PLEKHJ1: variants seen among roughly 807,000 people sequenced by gnomAD.
The protein encoded by PLEKHJ1 is pleckstrin homology domain containing J1, also known as pleckstrin homology domain-containing family J member 1.
In PLEKHJ1, 20 loss-of-function variants were observed where a neutral mutation model predicts 21.7. That is an observed-to-expected ratio of 0.92 (90% CI 0.65 to 1.34). The LOEUF (loss-of-function observed/expected upper bound fraction) is 1.34. Ranked by LOEUF, PLEKHJ1 falls within the 40% of genes most tolerant of loss-of-function variation. PLEKHJ1 has a pLI of 0.00. For missense variants in PLEKHJ1, 241 were observed against 202.0 expected (o/e 1.19, Z -1.17); for synonymous variants, 113 against 80.6 (o/e 1.40, Z -2.15).
intron 3 of PLEKHJ1, 137 bp from the exon 4 acceptor site, chr19:2,234,377 G>A (rs2024722941): frequency 6.3e-6 from 4 of 631,422 alleles, no homozygotes; most frequent in Admixed American, 2.8e-5. Context: ...CATGAGTATG[G>A]CCCTGTATAT....
downstream of PLEKHJ1, chr19:2,231,890 G>A (rs1337035858): frequency 4.5e-6 from 1 of 219,942 alleles, no homozygotes; most frequent in Non-Finnish European, 9.1e-6. Context: ...GACACGCACT[G>A]GGTCTCAGAG....
chr19:2,236,220 G>T lies in PLEKHJ1; in HGVS notation c.29C>A (p.Ala10Asp), dbSNP rs773610924. Residue 10 changes from alanine to aspartate, a missense_variant, in exon 1 of 6, where the codon GCT (alanine) becomes GAT (aspartate). Physicochemically the swap from Ala to Asp is moderately radical, Grantham distance 126. Transcript: ENST00000326631. ...CATCTCGGCCGGCTGCCGGGACAGA[G>T]CCTGCAGCTCCTTCTCGTTGTACCG... MRYNEKELQ[A>D]LSRQPAEMAA... The T allele has an allele frequency of 1.4e-6, 2 of 1,469,800 alleles. No homozygotes were observed. Among genetic ancestry groups the T allele is most frequent in the African/African-American group, 1.5e-5 (1 of 67,864 alleles). 91.0% of individuals were successfully genotyped at this position (1,469,800 alleles called of 1,614,324 possible). A position where few individuals can be genotyped will look rare whatever the true frequency, so the allele number is the denominator to read the frequency against.
At position 2,235,667 on chromosome 19, in the gene PLEKHJ1, C is replaced by G. The variant is rs1017870708; in HGVS notation, c.229+95G>C. On this transcript the variant is annotated intron_variant, in intron 3 of 5. Transcript: ENST00000326631. ...GGAGGGTGGCGCCAGGCTGGGGACA[C>G]AGAGGAGACCTTGGGCGCCCGGGGA... The G allele has an allele frequency of 3.7e-6, 4 of 1,072,066 alleles. No individual in the cohort carries two copies. The African/African-American group carries it at 6.4e-5, about 17-fold the overall frequency. 66.4% of individuals were successfully genotyped at this position (1,072,066 alleles called of 1,614,324 possible). A position where few individuals can be genotyped will look rare whatever the true frequency, so the allele number is the denominator to read the frequency against.
chr19:2,232,284 T>C (rs2024635919), downstream of PLEKHJ1: 2 of 214,066 alleles, frequency 9.3e-6, no homozygotes, highest in South Asian at 3.8e-4. Context: ...GACTTCCCCC[T>C]TAATTTATCT....
At chr19:2,235,733 G>T in intron 3 of PLEKHJ1, 29 bp downstream of exon 3, 3 of 1,539,586 alleles carry the variant, frequency 1.9e-6, no homozygotes, top group Non-Finnish European at 2.6e-6. Context: ...GCTGCGGGAA[G>T]CGCCGCTGGC....
downstream of PLEKHJ1, chr19:2,233,034 T>C (rs1213532407): frequency 6.6e-6 from 1 of 152,412 alleles, no homozygotes; most frequent in Non-Finnish European, 1.5e-5. Context: ...CTGGGGGTTC[T>C]AGCTCTCCCC....
At chr19:2,231,599 C>G (rs1036983707), downstream of PLEKHJ1, 1 of 208,552 alleles carries the variant, frequency 4.8e-6, no homozygotes, top group Non-Finnish European at 9.8e-6. Flanking sequence ...CTCCCCACCC[C>G]ACGTTGGTGC....
chr19:2,235,659 TG>T, intron 3 of PLEKHJ1, 102 bp downstream of exon 3: 4 of 947,626 alleles, frequency 4.2e-6, no homozygotes, highest in Non-Finnish European at 6.3e-6. Context: ...GGCGCCAGGC[TG>T]GGGACACAGA....
intron 3 of PLEKHJ1, 118 bp from the exon 4 acceptor site, chr19:2,234,358 C>A: frequency 1.4e-6 from 1 of 709,834 alleles, no homozygotes; most frequent in Non-Finnish European, 2.4e-6. Context: ...GTCCTGACCC[C>A]CCAGAACCCA....
rs1329304686 is a variant in PLEKHJ1 at position 2,236,189 on chromosome 19, G to T, written c.60C>A (p.Ala20=). 1 of 1,480,556 alleles carries T rather than the reference G, an allele frequency of 6.8e-7. No homozygotes were observed. Among genetic ancestry groups the T allele is most frequent in the Non-Finnish European group, 8.9e-7 (1 of 1,118,070 alleles). The allele number at this position is 1,480,556 out of a possible 1,614,324, so 91.7% of individuals were successfully genotyped here. A position where few individuals can be genotyped will look rare whatever the true frequency, so the allele number is the denominator to read the frequency against. ...ALSRQPAEMA[A]ELGMRGPKKG... ...TCTTGGGGCCCCTCATGCCCAGCTC[G>T]GCCGCCATCTCGGCCGGCTGCCGGG... The change falls in exon 1 of 6, where the codon GCC becomes GCA. Residue 20 remains alanine, a synonymous_variant. Transcript: ENST00000326631.
chr19:2,231,765 T>A (rs1250708572), downstream of PLEKHJ1: 2 of 213,738 alleles, frequency 9.4e-6, no homozygotes, highest in African/African-American at 4.5e-5. Flanking sequence ...ACACATTCTT[T>A]AAACACTGTA....
chr19:2,233,754 CAA>C lies in PLEKHJ1; in HGVS notation c.*84_*85del. The C allele has an allele frequency of 1.5e-6, 2 of 1,359,874 alleles. No individual in the cohort carries two copies. The highest frequency in any genetic ancestry group is 2.0e-6 in the Non-Finnish European group (2 of 995,490). The allele number at this position is 1,359,874 out of a possible 1,614,324, so 84.2% of individuals were successfully genotyped here. On this transcript the variant is annotated 3_prime_UTR_variant, in exon 6 of 6. Coordinates refer to ENST00000326631, the MANE Select transcript of PLEKHJ1 (RefSeq NM_018049.3). The stretch of plus-strand genomic sequence containing the variant: ...CTGACCCAAAAACCAAAAACCAAAA[CAA>C]AACAGATCCAGGCATGGCCAAGCGA...
In PLEKHJ1 at chr19:2,234,529, G is replaced by A. The variant is rs992106528; in HGVS notation, c.230-289C>T. The stretch of plus-strand genomic sequence containing the variant: ...AGTTCGAGACCAGCCTGGGTGACAT[G>A]GCAAAATCCCCATCTCTACAAAAAC... On this transcript the variant is annotated intron_variant, in intron 3 of 5. Transcript: ENST00000326631. The A allele has an allele frequency of 1.6e-5, 6 of 378,326 alleles. No homozygotes were observed. In the South Asian group the frequency reaches 1.7e-4, roughly 11 times the overall value. 23.4% of individuals were successfully genotyped at this position (378,326 alleles called of 1,614,324 possible).
In PLEKHJ1 at chr19:2,236,306, G is replaced by C. The variant is rs2024812929; in HGVS notation, c.-58C>G. ...CCTCCCGGCCGCCGTCCCCGCTCAG[G>C]CTGGGGCCGGCGCCAAAAATGTCTC... On this transcript the variant is annotated 5_prime_UTR_variant, in exon 1 of 6. Transcript: ENST00000326631. 1 of 1,115,874 alleles carries C rather than the reference G, an allele frequency of 9.0e-7. No individual in the cohort carries two copies. Among genetic ancestry groups the C allele is most frequent in the African/African-American group, 1.6e-5 (1 of 60,718 alleles). 69.1% of individuals were successfully genotyped at this position (1,115,874 alleles called of 1,614,324 possible). A position where few individuals can be genotyped will look rare whatever the true frequency, so the allele number is the denominator to read the frequency against.
At chr19:2,230,367 T>C (rs1024605742), downstream of PLEKHJ1, 1 of 409,906 alleles carries the variant, frequency 2.4e-6, no homozygotes, top group Non-Finnish European at 4.3e-6. Context: ...GCGCCTGCCC[T>C]GAGCTCTTCA....
downstream of PLEKHJ1, chr19:2,232,260 AGT>A (rs1427522242): frequency 4.7e-6 from 1 of 214,014 alleles, no homozygotes; most frequent in Non-Finnish European, 9.4e-6. Context: ...AGGCACGCAC[AGT>A]GACTTATTTA....
At chr19:2,230,375 T>A, downstream of PLEKHJ1, 1 of 407,436 alleles carries the variant, frequency 2.5e-6, no homozygotes, top group Non-Finnish European at 4.3e-6. Context: ...CCTGAGCTCT[T>A]CACCTTTACC....
At position 2,236,286 on chromosome 19, in the gene PLEKHJ1, C is replaced by T; in HGVS notation, c.-38G>A. The T allele has an allele frequency of 7.9e-7, 1 of 1,270,322 alleles. No individual in the cohort carries two copies. The highest frequency in any genetic ancestry group is 1.0e-6 in the Non-Finnish European group (1 of 985,454). 78.7% of individuals were successfully genotyped at this position (1,270,322 alleles called of 1,614,324 possible). A position where few individuals can be genotyped will look rare whatever the true frequency, so the allele number is the denominator to read the frequency against. On this transcript the variant is annotated 5_prime_UTR_variant, in exon 1 of 6. Coordinates refer to ENST00000326631, the MANE Select transcript of PLEKHJ1 (RefSeq NM_018049.3). ...AACGGGAACCCGGGCCGCGCCCTCC[C>T]GGCCGCCGTCCCCGCTCAGGCTGGG...
chr19:2,230,748 G>A (rs2024565047), downstream of PLEKHJ1: 1 of 397,280 alleles, frequency 2.5e-6, no homozygotes, highest in Non-Finnish European at 4.4e-6. Context: ...AAAGCGAGGG[G>A]AAAAAACCTT....
Sources: allele counts gnomAD v4.1 joint callset, GRCh38; gene constraint gnomAD v4.1.1; transcripts MANE v1.5; gene names NCBI Gene and HGNC (gene_info 2026-07-23, HGNC 2026-07-21).